The following TTLL6 variants were observed in gnomAD, a reference collection of about 807,000 sequenced individuals.
TTLL6 encodes tubulin polyglutamylase TTLL6.
In TTLL6, 75 loss-of-function variants were observed where a neutral mutation model predicts 96.4. The ratio of observed to expected loss-of-function variants is 0.78; its 90% CI spans 0.65 to 0.94. The LOEUF is 0.94. Ranked by LOEUF, TTLL6 falls within the 40% of genes least tolerant of loss-of-function variation. TTLL6 has a pLI of 0.00. For synonymous variants in TTLL6, 411 were observed against 419.4 expected (o/e 0.98, Z 0.24); for missense variants, 1,030 against 1,093.0 (o/e 0.94, Z 0.81).
intron 1 of TTLL6, among the ~76,000 whole-genome samples, chr17:48,810,379 C>T (rs1398763942): frequency 2.0e-5 from 3 of 152,082 alleles, no homozygotes; most frequent in Non-Finnish European, 4.4e-5. Flanking sequence ...TGCCATGTGA[C>T]TACTTTTGCT....
intron 13 of TTLL6, among the ~76,000 whole-genome samples, chr17:48,776,815 C>A (rs2143248483): frequency 6.6e-6 from 1 of 152,176 alleles, no homozygotes; most frequent in African/African-American, 2.4e-5. Flanking sequence ...AGCACAATGC[C>A]AATCAGAATC....
chr17:48,792,882 A>G (rs1354977207), intron 8 of TTLL6, among the ~76,000 whole-genome samples: 2 of 152,184 alleles, frequency 1.3e-5, no homozygotes, highest in African/African-American at 2.4e-5. Flanking sequence ...TTTTCCTGAA[A>G]TAGATTATAC....
intron 6 of TTLL6, among the ~76,000 whole-genome samples, chr17:48,798,852 C>A (rs1014717106): frequency 7.0e-6 from 1 of 142,122 alleles, no homozygotes; most frequent in African/African-American, 2.7e-5. Flanking sequence ...ACAGGGTCTC[C>A]AGGGTCTCAC....
chr17:48,774,096 C>CAAAAAAAAAAAAAAAAAAA (rs1286139436), intron 13 of TTLL6, among the ~76,000 whole-genome samples: 20 of 44,098 alleles, frequency 4.5e-4, no homozygotes, highest in East Asian at 8.3e-4. Context: ...AAAAACAAAA[C>CAAAAAAAAAAAAAAAAAAA]AAAAAAAAAA....
chr17:48,810,417 C>T (rs2039563247), intron 1 of TTLL6, among the ~76,000 whole-genome samples: 1 of 152,052 alleles, frequency 6.6e-6, no homozygotes, highest in Non-Finnish European at 1.5e-5. Context: ...GCTTTCATTT[C>T]CCCCAAGCTT....
intron 3 of TTLL6, among the ~76,000 whole-genome samples, chr17:48,802,086 GAAAGA>G (rs1477847498): frequency 1.8e-4 from 1 of 5,586 alleles, no homozygotes; most frequent in African/African-American, 5.6e-4. Flanking sequence ...GAAAAAGAAA[GAAAGA>G]AAGAAAGAAA....
At position 48,769,954 on chromosome 17, in the gene TTLL6, C is replaced by T. The variant is rs1430335349; in HGVS notation, c.2184G>A (p.Lys728=). ...TDRVVSFKCK[K]QQTPPHLTQK... is the part of the protein sequence containing the mutation. ...GGGTTAAGTGTGGAGGGGTCTGCTG[C>T]TTCTTGCATTTAAAGGATACCACCC... is the stretch of plus-strand genomic sequence containing the variant. Residue 728 remains lysine, a synonymous_variant, in exon 14 of 16, where the codon AAG becomes AAA. Transcript: ENST00000393382. 2 of 1,614,156 alleles carry T rather than the reference C, an allele frequency of 1.2e-6. No homozygotes were observed. Among genetic ancestry groups the T allele is most frequent in the East Asian group, 2.2e-5 (1 of 44,884 alleles).
chr17:48,788,441 C>T (rs1326393233), intron 10 of TTLL6, among the ~76,000 whole-genome samples: 1 of 152,184 alleles, frequency 6.6e-6, no homozygotes, highest in Non-Finnish European at 1.5e-5. Context: ...CCTCACAGCC[C>T]CCTGGGGGAA....
chr17:48,775,254 G>A (rs11657940), intron 13 of TTLL6, among the ~76,000 whole-genome samples: 46,322 of 151,534 alleles, frequency 0.31, 7,316 homozygotes, highest in Admixed American at 0.41. Flanking sequence ...GATATACAAC[G>A]AAAATAGAAG....
chr17:48,784,409 A>G (rs941935086), intron 13 of TTLL6, among the ~76,000 whole-genome samples: 4 of 152,142 alleles, frequency 2.6e-5, no homozygotes, highest in African/African-American at 4.8e-5. Flanking sequence ...TGTCTCAAAA[A>G]AAAAAATAAG....
Position 48,784,909 on chromosome 17 carries a change from G to T in TTLL6, c.2040+14C>A. 1 of 1,608,088 alleles carries T rather than the reference G, an allele frequency of 6.2e-7. No individual in the cohort carries two copies. Among genetic ancestry groups the T allele is most frequent in the Non-Finnish European group, 8.5e-7 (1 of 1,176,104 alleles). ...CTCCCACCACTCCCTCCCAGAGCTC[G>T]GCTCACTACTTACCACAGTGCCAGT... On this transcript the variant is annotated intron_variant, in intron 13 of 15. Coordinates refer to ENST00000393382, the MANE Select transcript of TTLL6 (RefSeq NM_001130918.3).
chr17:48,794,414 G>A, intron 8 of TTLL6: 5 of 1,438,790 alleles, frequency 3.5e-6, no homozygotes, highest in Non-Finnish European at 4.6e-6. Context: ...TGGCAGGGCA[G>A]GGCAGGGAGT....
chr17:48,790,033 G>A lies in TTLL6; in HGVS notation c.1298C>T (p.Thr433Ile), dbSNP rs2143361690. The A allele has an allele frequency of 6.2e-7, 1 of 1,614,184 alleles. No homozygotes were observed. The highest frequency in any genetic ancestry group is 1.1e-5 in the South Asian group (1 of 91,078). ...GCTTTCCAGGTTGATCAGGACTAAGGTGTCATACAGCAGACCATCTTTCAC... is the reference window on the plus strand; with the variant it reads ...GCTTTCCAGGTTGATCAGGACTAAGATGTCATACAGCAGACCATCTTTCAC... ...KEVKDGLLYD[T>I]LVLINLESCD... Residue 433 changes from threonine to isoleucine, a missense_variant, in exon 10 of 16, where the codon ACC becomes ATC. By Grantham distance (89) the Thr-to-Ile change is moderately conservative. Coordinates refer to ENST00000393382, the MANE Select transcript of TTLL6 (RefSeq NM_001130918.3).
chr17:48,802,027 A>G (rs2039425354), intron 3 of TTLL6, among the ~76,000 whole-genome samples: 1 of 150,908 alleles, frequency 6.6e-6, no homozygotes, highest in Non-Finnish European at 1.5e-5. Context: ...CCTGGGCAAC[A>G]GGAGACCCTG....
At chr17:48,811,764 C>T (rs949771761) in intron 1 of TTLL6, among the ~76,000 whole-genome samples, 1 of 148,830 alleles carries the variant, frequency 6.7e-6, no homozygotes, top group African/African-American at 2.5e-5. Context: ...ATGGCACGAT[C>T]CCAGCTCACT....
intron 13 of TTLL6, among the ~76,000 whole-genome samples, chr17:48,774,233 G>T (rs113727444): frequency 0.33 from 36,875 of 112,888 alleles, 5,918 homozygotes; most frequent in Admixed American, 0.39. Context: ...CAGGTTTGTT[G>T]TTTTTTTTTT....
chr17:48,786,032 C>T lies in TTLL6; in HGVS notation c.1761+132G>A, dbSNP rs1320363869. On this transcript the variant is annotated intron_variant, in intron 12 of 15. Transcript: ENST00000393382. ...TTCAGGGCTCCCCGCACCGCCCCGT[C>T]GTTGCCCAGCCCTCTGCACAGCCTT... The T allele has an allele frequency of 3.7e-6, 5 of 1,366,410 alleles. No homozygotes were observed. The South Asian group carries it at 4.2e-5, about 12-fold the overall frequency. The allele number at this position is 1,366,410 out of a possible 1,614,324, so 84.6% of individuals were successfully genotyped here. A position where few individuals can be genotyped will look rare whatever the true frequency, so the allele number is the denominator to read the frequency against.
chr17:48,776,216 T>C (rs1046175917), intron 13 of TTLL6, among the ~76,000 whole-genome samples: 7 of 152,074 alleles, frequency 4.6e-5, no homozygotes, highest in African/African-American at 1.4e-4. Flanking sequence ...CCTGTAATAC[T>C]AGCACTTTGG....
chr17:48,810,126 C>T (rs192197840), intron 1 of TTLL6, among the ~76,000 whole-genome samples: 13 of 116,424 alleles, frequency 1.1e-4, no homozygotes, highest in Admixed American at 8.0e-4. Context: ...ACAACAAGAG[C>T]GAAACTCTGT....
Sources: allele counts gnomAD v4.1 joint callset (sites outside exome capture counted in the v4.1 genomes callset), GRCh38; gene constraint gnomAD v4.1.1; transcripts MANE v1.5; gene names NCBI Gene and HGNC (gene_info 2026-07-23, HGNC 2026-07-21).